NIBAN1: variants seen among roughly 807,000 people sequenced by gnomAD.
NIBAN1 encodes the protein protein Niban 1.
Under a neutral mutation model 75.1 loss-of-function variants are expected in NIBAN1, and 81 were observed. That is an observed-to-expected ratio of 1.08 (90% confidence interval 0.90 to 1.30). The LOEUF (loss-of-function observed/expected upper bound fraction) is 1.30, where lower values mean the gene tolerates loss of function less well. Among genes scored for constraint, NIBAN1 ranks in the 50% most tolerant of loss-of-function variants. The pLI is 0.00. For missense variants in NIBAN1, 1,133 were observed against 1,128.1 expected (o/e 1.00, Z -0.06); for synonymous variants, 436 against 424.8 (o/e 1.03, Z -0.32).
chr1:184,949,817 G>A (rs555271095), intron 1 of NIBAN1, among the ~76,000 whole-genome samples: 1 of 152,242 alleles, frequency 6.6e-6, no homozygotes, highest in African/African-American at 2.4e-5. Context: ...TAGAATTTAG[G>A]TCTCAGTTTC....
chr1:184,939,613 GC>G (rs1368396956), intron 1 of NIBAN1, among the ~76,000 whole-genome samples: 1 of 152,302 alleles, frequency 6.6e-6, no homozygotes, highest in East Asian at 1.9e-4. Context: ...CCCCTGGATT[GC>G]CTGGTTTTAA....
At chr1:184,896,869 T>C (rs1308691640) in intron 2 of NIBAN1, among the ~76,000 whole-genome samples, 1 of 152,176 alleles carries the variant, frequency 6.6e-6, no homozygotes, top group Non-Finnish European at 1.5e-5. Flanking sequence ...GTGGCTTTAT[T>C]TCTGGGTTCT....
intron 10 of NIBAN1, 129 bp downstream of exon 10, chr1:184,807,945 G>GCAACATGAT (rs766327100): frequency 3.8e-6 from 4 of 1,050,644 alleles, no homozygotes; most frequent in Non-Finnish European, 5.8e-6. Context: ...GTGTCCTCCC[G>GCAACATGAT]CAACATGATG....
chr1:184,894,272 A>T lies in NIBAN1; in HGVS notation c.187-66T>A, dbSNP rs1382456730. 3 of 1,470,962 alleles carry T rather than the reference A, an allele frequency of 2.0e-6. No individual in the cohort carries two copies. In the African/African-American group the frequency reaches 4.3e-5, roughly 21 times the overall value. 91.1% of individuals were successfully genotyped at this position (1,470,962 alleles called of 1,614,324 possible). On this transcript the variant is annotated intron_variant, in intron 2 of 13. Coordinates refer to ENST00000367511, the MANE Select transcript of NIBAN1 (RefSeq NM_052966.4). ...TAACACACCTTGTTACCACAAAGTT[A>T]TCCATGCTATTTCAAGGAATAGTTT...
Position 184,792,670 on chromosome 1 carries a change from T to C in NIBAN1, c.*2307A>G, listed in dbSNP as rs1323409967. 1 of 152,752 alleles carries C rather than the reference T, an allele frequency of 6.5e-6. No individual in the cohort carries two copies. Among genetic ancestry groups the C allele is most frequent in the Non-Finnish European group, 1.5e-5 (1 of 68,114 alleles). 9.5% of individuals were successfully genotyped at this position (152,752 alleles called of 1,614,324 possible). A position where few individuals can be genotyped will look rare whatever the true frequency, so the allele number is the denominator to read the frequency against. On this transcript the variant is annotated 3_prime_UTR_variant, in exon 14 of 14. Coordinates refer to ENST00000367511, the MANE Select transcript of NIBAN1 (RefSeq NM_052966.4). ...CAGAAAGCCCAATTCAAAACGTCTT[T>C]CTGCCTGACAGCAGGCCCCAAATAG...
intron 6 of NIBAN1, among the ~76,000 whole-genome samples, chr1:184,831,392 G>T (rs1317476270): frequency 6.6e-6 from 1 of 152,138 alleles, no homozygotes; most frequent in Non-Finnish European, 1.5e-5. Context: ...GATGATGCAA[G>T]GTAAACATTA....
Position 184,792,553 on chromosome 1 carries a change from C to G in NIBAN1, c.*2424G>C, listed in dbSNP as rs1282121169. On this transcript the variant is annotated 3_prime_UTR_variant, in exon 14 of 14. Transcript: ENST00000367511. Reference sequence around the variant, plus strand: ...CGGGCAGCCTTTGTGGGGCTGGGCACTGCCTCTTTGGCTTCCTGCCTTACT... The same window carrying G: ...CGGGCAGCCTTTGTGGGGCTGGGCAGTGCCTCTTTGGCTTCCTGCCTTACT... 6.5e-6 allele frequency: 1 copy of G among 152,760 alleles called. No homozygotes were observed. Among genetic ancestry groups the G allele is most frequent in the Non-Finnish European group, 1.5e-5 (1 of 68,100 alleles). 9.5% of individuals were successfully genotyped at this position (152,760 alleles called of 1,614,324 possible). A position where few individuals can be genotyped will look rare whatever the true frequency, so the allele number is the denominator to read the frequency against.
intron 1 of NIBAN1, among the ~76,000 whole-genome samples, chr1:184,964,780 G>A (rs1658736202): frequency 6.6e-6 from 1 of 152,206 alleles, no homozygotes; most frequent in African/African-American, 2.4e-5. Flanking sequence ...GAAATTCATG[G>A]TGGCATTTCC....
Position 184,885,327 on chromosome 1 carries a change from C to T in NIBAN1, c.434-527G>A, listed in dbSNP as rs1222408120. Among the ~76,000 whole-genome samples, 8 of 152,210 alleles carry T rather than the reference C, an allele frequency of 5.3e-5. 1 individual carries two copies. The South Asian group carries it at 8.3e-4, about 16-fold the overall frequency. The stretch of plus-strand genomic sequence containing the variant: ...AGCTGGGATTACAGGCATAAGCCAC[C>T]GCACCCGGCTAGTTTTTTTGTATTA... On this transcript the variant is annotated intron_variant, in intron 4 of 13. Coordinates refer to ENST00000367511, the MANE Select transcript of NIBAN1 (RefSeq NM_052966.4).
At chr1:184,890,066 G>T in intron 4 of NIBAN1, 42 bp downstream of exon 4, 1 of 1,424,198 alleles carries the variant, frequency 7.0e-7, no homozygotes, top group East Asian at 2.3e-5. Context: ...AAACAAAGAA[G>T]CTTAGTCATT....
intron 1 of NIBAN1, among the ~76,000 whole-genome samples, chr1:184,965,353 T>C (rs940944539): frequency 1.6e-4 from 25 of 152,024 alleles, no homozygotes; most frequent in Non-Finnish European, 2.6e-4. Context: ...ACAAAAGGAT[T>C]GATTCTTTTC....
intron 1 of NIBAN1, among the ~76,000 whole-genome samples, chr1:184,909,401 A>C (rs1265781109): frequency 4.6e-5 from 7 of 152,092 alleles, no homozygotes; most frequent in African/African-American, 1.4e-4. Flanking sequence ...TTTCTCAAGA[A>C]TCTATGCCAT....
intron 12 of NIBAN1, among the ~76,000 whole-genome samples, chr1:184,799,199 C>G (rs573634496): frequency 2.0e-4 from 30 of 152,054 alleles, no homozygotes; most frequent in East Asian, 9.7e-4. Flanking sequence ...CCTCTCCCCC[C>G]ACCCCACAAC....
intron 1 of NIBAN1, among the ~76,000 whole-genome samples, chr1:184,952,325 G>C (rs1343851950): frequency 6.6e-6 from 1 of 152,150 alleles, no homozygotes; most frequent in Non-Finnish European, 1.5e-5. Flanking sequence ...GATAGCTTGA[G>C]TCCAGCAGAC....
chr1:184,957,295 G>A (rs1658515364), intron 1 of NIBAN1, among the ~76,000 whole-genome samples: 1 of 152,150 alleles, frequency 6.6e-6, no homozygotes, highest in East Asian at 1.9e-4. Context: ...CTTGAGAATA[G>A]TTGTTTAAAG....
At chr1:184,936,509 G>A (rs909505593) in intron 1 of NIBAN1, among the ~76,000 whole-genome samples, 11 of 152,194 alleles carry the variant, frequency 7.2e-5, no homozygotes, top group Non-Finnish European at 1.2e-4. Flanking sequence ...CTGCAGTCCT[G>A]GAGGCTAGAA....
At chr1:184,804,746 T>C (rs1654143054) in intron 11 of NIBAN1, among the ~76,000 whole-genome samples, 1 of 152,074 alleles carries the variant, frequency 6.6e-6, no homozygotes, top group South Asian at 2.1e-4. Context: ...TTCATCATTA[T>C]GTGTGTTATC....
intron 2 of NIBAN1, among the ~76,000 whole-genome samples, chr1:184,897,719 T>C (rs969204038): frequency 6.6e-6 from 1 of 152,182 alleles, no homozygotes; most frequent in Non-Finnish European, 1.5e-5. Flanking sequence ...CTCCGACTCT[T>C]CCTTCTAAGT....
chr1:184,843,498 ACT>A (rs1161003265), intron 5 of NIBAN1, among the ~76,000 whole-genome samples: 1 of 151,944 alleles, frequency 6.6e-6, no homozygotes, highest in Non-Finnish European at 1.5e-5. Context: ...CCATCAAAAT[ACT>A]CTGTGTGCTG....
Sources: allele counts gnomAD v4.1 joint callset (sites outside exome capture counted in the v4.1 genomes callset), GRCh38; gene constraint gnomAD v4.1.1; transcripts MANE v1.5; gene names NCBI Gene and HGNC (gene_info 2026-07-23, HGNC 2026-07-21).